The following ACOT7 variants were observed in gnomAD, a reference collection of about 807,000 sequenced individuals.
ACOT7 encodes the protein acyl-CoA thioesterase 7.
Under a neutral mutation model 40.2 loss-of-function variants are expected in ACOT7, and 12 were observed. The ratio of observed to expected loss-of-function variants is 0.30; its 90% CI spans 0.19 to 0.48. ACOT7 has a LOEUF of 0.48. Ranked by LOEUF, ACOT7 falls within the 20% of genes least tolerant of loss-of-function variation. The pLI, the probability that ACOT7 is intolerant of heterozygous loss-of-function variation, is 0.99. For missense variants in ACOT7, 395 were observed against 530.8 expected (o/e 0.74, Z 2.51); for synonymous variants, 228 against 219.5 (o/e 1.04, Z -0.34).
At position 6,301,300 on chromosome 1, in the gene ACOT7, C is replaced by T. The variant is rs1002388930; in HGVS notation, c.713-6320G>A. ...GGAGTTGTAATCAGCTCCTTCAAACCGGGGTTTGCCCCATTTATCCAAAAG... is the reference window on the plus strand; with the variant it reads ...GGAGTTGTAATCAGCTCCTTCAAACTGGGGTTTGCCCCATTTATCCAAAAG... On this transcript the variant is annotated intron_variant, in intron 6 of 8. Coordinates refer to ENST00000361521, the MANE Select transcript of ACOT7 (RefSeq NM_007274.4). This position sits in a 1 kb window ranked among gnomAD's most constrained non-coding sequence, Gnocchi z 4.1. 3.3e-5 allele frequency among the ~76,000 whole-genome samples: 5 copies of T among 152,226 alleles called. No individual in the cohort carries two copies. Among genetic ancestry groups the T allele is most frequent in the Admixed American group, 6.5e-5 (1 of 15,286 alleles).
intron 7 of ACOT7, among the ~76,000 whole-genome samples, chr1:6,284,881 C>T (rs1172359913): frequency 1.3e-5 from 2 of 152,204 alleles, no homozygotes; most frequent in East Asian, 3.9e-4. Flanking sequence ...CCTAGAAAAG[C>T]CCTCCTCTTA....
rs1229006813 is a variant in ACOT7 at position 6,358,968 on chromosome 1, C to T, written c.144-9102G>A. The T allele has an allele frequency of 9.0e-6, 13 of 1,447,718 alleles. No homozygotes were observed. Among genetic ancestry groups the T allele is most frequent in the Non-Finnish European group, 1.2e-5 (13 of 1,082,798 alleles). 89.7% of individuals were successfully genotyped at this position (1,447,718 alleles called of 1,614,324 possible). On this transcript the variant is annotated intron_variant, in intron 1 of 8. Transcript: ENST00000361521. The surrounding 1 kb of genome is among the most constrained non-coding windows in gnomAD (Gnocchi z 4.1). The stretch of plus-strand genomic sequence containing the variant: ...GCCACACCGGGCTTGGTGGGGAGCA[C>T]CCCCCACCCCCAGCTTCCTGAGCTG...
chr1:6,363,629 G>A (rs1641938289), intron 1 of ACOT7, among the ~76,000 whole-genome samples: 2 of 152,134 alleles, frequency 1.3e-5, no homozygotes, highest in East Asian at 3.9e-4. Flanking sequence ...CTCTCTCTCT[G>A]CCTTGGCTGC....
chr1:6,293,953 G>A (rs1639741194), intron 7 of ACOT7, among the ~76,000 whole-genome samples: 1 of 152,230 alleles, frequency 6.6e-6, no homozygotes, highest in South Asian at 2.1e-4. Context: ...GGGCCTGGGA[G>A]TCTGCCCCTG....
At chr1:6,318,366 C>T (rs1640553368) in intron 6 of ACOT7, 126 bp downstream of exon 6, 1 of 1,083,234 alleles carries the variant, frequency 9.2e-7, no homozygotes, top group Admixed American at 2.1e-5. Flanking sequence ...TATTGTACAA[C>T]TTCTTGGAAG....
chr1:6,372,839 C>T (rs182080083), intron 1 of ACOT7, among the ~76,000 whole-genome samples: 24 of 152,262 alleles, frequency 1.6e-4, no homozygotes, highest in Admixed American at 1.1e-3. Flanking sequence ...CATGTGCCAC[C>T]GTGCCTGGCC....
chr1:6,311,249 C>A lies in ACOT7; in HGVS notation c.712+7243G>T, dbSNP rs551073935. Among the ~76,000 whole-genome samples the A allele has an allele frequency of 6.6e-6, 1 of 152,178 alleles. No homozygotes were observed. Among genetic ancestry groups the A allele is most frequent in the Non-Finnish European group, 1.5e-5 (1 of 68,026 alleles). On this transcript the variant is annotated intron_variant, in intron 6 of 8. Coordinates refer to ENST00000361521, the MANE Select transcript of ACOT7 (RefSeq NM_007274.4). The surrounding 1 kb of genome is among the most constrained non-coding windows in gnomAD (Gnocchi z 5.2). ...ACTCAGAGCCGATGTGATCAGTAAA[C>A]GTTGAGGTTCTTTTCTAAGCCAGAG... is the stretch of plus-strand genomic sequence containing the variant.
chr1:6,350,073 G>A (rs908681179), intron 1 of ACOT7, among the ~76,000 whole-genome samples: 2 of 152,184 alleles, frequency 1.3e-5, no homozygotes, highest in Non-Finnish European at 2.9e-5. Flanking sequence ...CTGAGATGCT[G>A]TTTCCATGAG....
At chr1:6,315,533 CGG>C (rs1640465357) in intron 6 of ACOT7, among the ~76,000 whole-genome samples, 1 of 151,902 alleles carries the variant, frequency 6.6e-6, no homozygotes, top group Admixed American at 6.6e-5. Context: ...GGGCAGATCA[CGG>C]GGTCAGGAGA....
chr1:6,306,902 T>G lies in ACOT7; in HGVS notation c.712+11590A>C, dbSNP rs78443476. Reference sequence around the variant, plus strand: ...CTCCTCCTGCAGGTGCAAAAGATTGTTTTTTCACAACTGCCCCAAGAAGAC... The same window carrying G: ...CTCCTCCTGCAGGTGCAAAAGATTGGTTTTTCACAACTGCCCCAAGAAGAC... On this transcript the variant is annotated intron_variant, in intron 6 of 8. Transcript: ENST00000361521. The surrounding 1 kb of genome is among the most constrained non-coding windows in gnomAD (Gnocchi z 4.3). The G allele has an allele frequency of 7.8e-7, 1 of 1,289,112 alleles. No individual in the cohort carries two copies. The highest frequency in any genetic ancestry group is 1.2e-5 in the South Asian group (1 of 81,002). 79.9% of individuals were successfully genotyped at this position (1,289,112 alleles called of 1,614,324 possible).
At chr1:6,341,189 TG>T (rs1281061895) in intron 2 of ACOT7, among the ~76,000 whole-genome samples, 4 of 151,598 alleles carry the variant, frequency 2.6e-5, no homozygotes, top group African/African-American at 9.7e-5. Flanking sequence ...TTGCCCAGAC[TG>T]GAATGCAGTG....
rs534476238 is a variant in ACOT7, at chr1:6,301,703, G to A, written c.713-6723C>T. The stretch of plus-strand genomic sequence containing the variant: ...AAGCTGCCCCAGCCACAAAGTATGT[G>A]GCTCCTTCAGGCAACAATTTGCGTC... On this transcript the variant is annotated intron_variant, in intron 6 of 8. Transcript: ENST00000361521. The surrounding 1 kb of genome is among the most constrained non-coding windows in gnomAD (Gnocchi z 4.1). Among the ~76,000 whole-genome samples the A allele has an allele frequency of 6.6e-6, 1 of 152,304 alleles. No individual in the cohort carries two copies. The highest frequency in any genetic ancestry group is 2.1e-4 in the South Asian group (1 of 4,816).
intron 5 of ACOT7, among the ~76,000 whole-genome samples, chr1:6,324,602 G>T (rs370713173): frequency 6.6e-6 from 1 of 152,152 alleles, no homozygotes; most frequent in East Asian, 1.9e-4. Flanking sequence ...GCCCAGCAGT[G>T]CTGCCCACAC....
At chr1:6,329,076 C>T (rs949998848) in intron 4 of ACOT7, among the ~76,000 whole-genome samples, 2 of 152,288 alleles carry the variant, frequency 1.3e-5, no homozygotes, top group African/African-American at 2.4e-5. Flanking sequence ...GCCCCTCGGC[C>T]GCCTGTTGAA....
chr1:6,283,066 G>A (rs1246209311), intron 7 of ACOT7, among the ~76,000 whole-genome samples: 1 of 152,114 alleles, frequency 6.6e-6, no homozygotes, highest in African/African-American at 2.4e-5. Flanking sequence ...CTGTGGCCAC[G>A]GTGTCACACA....
At chr1:6,392,903 G>A (rs1159783465) in intron 1 of ACOT7, among the ~76,000 whole-genome samples, 1 of 152,120 alleles carries the variant, frequency 6.6e-6, no homozygotes, top group African/African-American at 2.4e-5. Flanking sequence ...GGCGAGGCCC[G>A]AGGCGGGGCG....
intron 1 of ACOT7, among the ~76,000 whole-genome samples, chr1:6,371,510 G>GTA (rs1642133674): frequency 1.3e-5 from 2 of 151,796 alleles, no homozygotes; most frequent in Admixed American, 6.6e-5. Context: ...CTACAGGCAA[G>GTA]TGCCACCACA....
intron 8 of ACOT7, among the ~76,000 whole-genome samples, chr1:6,267,376 T>C (rs987455053): frequency 5.4e-4 from 82 of 152,266 alleles, no homozygotes; most frequent in African/African-American, 1.7e-3. Flanking sequence ...GCTGTTACCA[T>C]GGGTGTCCTG....
At chr1:6,293,234 A>T (rs1341494108) in intron 7 of ACOT7, among the ~76,000 whole-genome samples, 1 of 152,160 alleles carries the variant, frequency 6.6e-6, no homozygotes, top group Non-Finnish European at 1.5e-5. Context: ...ACACTCAGGG[A>T]CAACTGAGCA....
Sources: gnomAD v4.1 joint callset for allele counts (sites outside exome capture counted in the v4.1 genomes callset) on GRCh38, gnomAD v4.1.1 for gene constraint, Gnocchi (gnomAD v3.1) non-coding constraint, MANE v1.5 for transcripts, NCBI Gene and HGNC (gene_info 2026-07-23, HGNC 2026-07-21) for gene names.